Variants in MARCHF8 observed in about 807,000 individuals in gnomAD.
The protein encoded by MARCHF8 is E3 ubiquitin-protein ligase MARCHF8.
In MARCHF8, 40 loss-of-function variants were observed where a neutral mutation model predicts 51.6. The ratio of observed to expected loss-of-function variants is 0.77; its 90% CI spans 0.60 to 1.01. The LOEUF (loss-of-function observed/expected upper bound fraction) is 1.01. Ranked by LOEUF, MARCHF8 falls within the 50% of genes least tolerant of loss-of-function variation. MARCHF8 has a pLI of 0.00. For synonymous variants in MARCHF8, 263 were observed against 280.3 expected (o/e 0.94, Z 0.62); for missense variants, 685 against 708.6 (o/e 0.97, Z 0.38).
Position 45,459,322 on chromosome 10 carries a change from G to A in MARCHF8, c.1270-55C>T. On this transcript the variant is annotated intron_variant, in intron 6 of 7. Coordinates refer to ENST00000453424, the MANE Select transcript of MARCHF8 (RefSeq NM_001282866.2). ...AGGCTTCTGGGGAAGGGCTCCGGTG[G>A]GGTGAGAGCATTGTAGGTAGGTAAG... The A allele has an allele frequency of 2.5e-6, 4 of 1,580,486 alleles. No homozygotes were observed. In the South Asian group the frequency reaches 4.6e-5, roughly 18 times the overall value.
At chr10:45,504,263 T>C (rs1375032349) in intron 2 of MARCHF8, among the ~76,000 whole-genome samples, 1 of 152,168 alleles carries the variant, frequency 6.6e-6, no homozygotes, top group Non-Finnish European at 1.5e-5. Flanking sequence ...CTGACCAACA[T>C]GTAGAAACCC....
At chr10:45,554,914 G>C (rs1415667992) in intron 1 of MARCHF8, among the ~76,000 whole-genome samples, 1 of 152,090 alleles carries the variant, frequency 6.6e-6, no homozygotes, top group Admixed American at 6.6e-5. Flanking sequence ...AATTAGCCAG[G>C]CGTAGTGGTG....
intron 1 of MARCHF8, among the ~76,000 whole-genome samples, chr10:45,585,615 G>A (rs2044610013): frequency 1.3e-5 from 2 of 152,036 alleles, no homozygotes; most frequent in Admixed American, 6.6e-5. Context: ...TATGTCTCTG[G>A]GAACATAACA....
At chr10:45,510,860 G>C (rs2043486210) in intron 2 of MARCHF8, among the ~76,000 whole-genome samples, 1 of 152,130 alleles carries the variant, frequency 6.6e-6, no homozygotes, top group African/African-American at 2.4e-5. Flanking sequence ...GGAAGGAGGA[G>C]GAGAGTAGAG....
At chr10:45,547,664 G>A (rs537412022) in intron 1 of MARCHF8, among the ~76,000 whole-genome samples, 26 of 152,126 alleles carry the variant, frequency 1.7e-4, no homozygotes, top group Middle Eastern at 6.8e-3. Flanking sequence ...GCTACGGGAA[G>A]GACTAAGATA....
intron 3 of MARCHF8, among the ~76,000 whole-genome samples, chr10:45,486,407 T>C (rs970608001): frequency 2.0e-5 from 3 of 151,990 alleles, no homozygotes; most frequent in African/African-American, 7.3e-5. Flanking sequence ...CTACTAAAAA[T>C]ACAAAAATTA....
chr10:45,568,493 G>T (rs2044390347), intron 1 of MARCHF8, among the ~76,000 whole-genome samples: 1 of 152,052 alleles, frequency 6.6e-6, no homozygotes, highest in Admixed American at 6.6e-5. Context: ...GGCCGAGACG[G>T]GCAGATCACG....
chr10:45,504,661 T>C (rs1456904442), intron 2 of MARCHF8, among the ~76,000 whole-genome samples: 2 of 152,200 alleles, frequency 1.3e-5, no homozygotes, highest in Non-Finnish European at 1.5e-5. Context: ...ACAGTATGAA[T>C]TTCATTCTTA....
intron 1 of MARCHF8, among the ~76,000 whole-genome samples, chr10:45,579,311 A>AT (rs1359479334): frequency 6.6e-6 from 1 of 151,820 alleles, no homozygotes; most frequent in African/African-American, 2.4e-5. Flanking sequence ...TTCTTTGTGT[A>AT]TTTTTTCTGT....
chr10:45,469,638 G>C (rs1314918773), intron 3 of MARCHF8, among the ~76,000 whole-genome samples: 1 of 152,046 alleles, frequency 6.6e-6, no homozygotes, highest in Non-Finnish European at 1.5e-5. Flanking sequence ...GGCCGAGGCG[G>C]GCGGATCACG....
chr10:45,495,094 T>C (rs1038401455), intron 2 of MARCHF8, among the ~76,000 whole-genome samples: 5 of 149,006 alleles, frequency 3.4e-5, no homozygotes, highest in Non-Finnish European at 4.4e-5. Context: ...AACTCCAGCC[T>C]GGGCAACAAA....
At chr10:45,556,060 C>T (rs909469445) in intron 1 of MARCHF8, among the ~76,000 whole-genome samples, 1 of 152,108 alleles carries the variant, frequency 6.6e-6, no homozygotes, top group African/African-American at 2.4e-5. Flanking sequence ...TAAGTGGTCA[C>T]TACTGTTTCA....
At chr10:45,497,327 G>A (rs1169508731) in intron 2 of MARCHF8, among the ~76,000 whole-genome samples, 2 of 152,086 alleles carry the variant, frequency 1.3e-5, no homozygotes, top group African/African-American at 4.8e-5. Context: ...AACTGACAGA[G>A]CTGACTGAAA....
chr10:45,581,066 A>G (rs1297153390), intron 1 of MARCHF8, among the ~76,000 whole-genome samples: 1 of 152,014 alleles, frequency 6.6e-6, no homozygotes, highest in African/African-American at 2.4e-5. Flanking sequence ...GAGTAGGAAG[A>G]CCTTAACCAT....
chr10:45,463,459 C>G lies in MARCHF8; in HGVS notation c.780G>C (p.Gln260His). ...AGCCGTGCGAGAGTGAGAACAGGTA[C>G]TGGAGCAGTTGCCGGCTTCGGGACG... is the stretch of plus-strand genomic sequence containing the variant. ...EATSRSRQLL[Q>H]YLFSLSHGLS... is the part of the protein sequence containing the mutation. The change falls in exon 5 of 8, where the codon CAG becomes CAC. Residue 260 changes from glutamine to histidine, a missense_variant. Physicochemically the swap from Gln to His is conservative, Grantham distance 24 (BLOSUM62 0). Transcript: ENST00000453424. The G allele has an allele frequency of 6.4e-6, 10 of 1,550,654 alleles. No homozygotes were observed. The highest frequency in any genetic ancestry group is 8.7e-6 in the Non-Finnish European group (10 of 1,147,012).
chr10:45,593,437 A>G (rs548691676), intron 1 of MARCHF8: 28 of 152,264 alleles, frequency 1.8e-4, no homozygotes, highest in African/African-American at 6.0e-4. Context: ...AAAATCCAAA[A>G]TTCTCTTGCT....
chr10:45,562,637 G>A (rs549757394), intron 1 of MARCHF8, among the ~76,000 whole-genome samples: 1 of 151,878 alleles, frequency 6.6e-6, no homozygotes, highest in Admixed American at 6.6e-5. Context: ...CCTTAGATAA[G>A]CTTATTTTTT....
At chr10:45,512,324 G>GC (rs2043534333) in intron 2 of MARCHF8, among the ~76,000 whole-genome samples, 1 of 150,856 alleles carries the variant, frequency 6.6e-6, no homozygotes, top group African/African-American at 2.4e-5. Flanking sequence ...TCTCCGCCCG[G>GC]CAGCCACCCC....
upstream of MARCHF8, among the ~76,000 whole-genome samples, chr10:45,538,482 T>C (rs1388178409): frequency 6.6e-6 from 1 of 152,138 alleles, no homozygotes; most frequent in Non-Finnish European, 1.5e-5. Context: ...ACCTTAAAAG[T>C]AAATGGACTA....
Sources: allele counts gnomAD v4.1 joint callset (sites outside exome capture counted in the v4.1 genomes callset), GRCh38; gene constraint gnomAD v4.1.1; transcripts MANE v1.5; gene names NCBI Gene and HGNC (gene_info 2026-07-23, HGNC 2026-07-21).